The following ALMS1 variants were observed in gnomAD, a reference collection of about 807,000 sequenced individuals.
ALMS1 encodes the protein centrosome-associated protein ALMS1.
In ALMS1, 271 loss-of-function variants were observed where a neutral mutation model predicts 352.2. The ratio of observed to expected loss-of-function variants is 0.77; its 90% CI spans 0.70 to 0.85. The LOEUF (loss-of-function observed/expected upper bound fraction) is 0.85. ALMS1 is among the 40% of genes least tolerant of loss of function. The probability of loss-of-function intolerance (pLI) is 0.00; values close to 1 mark genes in which losing one functional copy is unlikely to be tolerated. For synonymous variants in ALMS1, 1,865 were observed against 1,761.2 expected, an observed-to-expected ratio of 1.06 and a Z score of -1.48; for missense variants, 5,445 against 4,870.7, an observed-to-expected ratio of 1.12 and a Z score of -3.51.
In ALMS1 at chr2:73,449,583, A is replaced by T; in HGVS notation, c.3056A>T (p.Asp1019Val). The T allele has an allele frequency of 6.2e-7, 1 of 1,614,092 alleles. No individual in the cohort carries two copies. Among genetic ancestry groups the T allele is most frequent in the Non-Finnish European group, 8.5e-7 (1 of 1,179,976 alleles). Residue 1019 changes from aspartate to valine, a missense_variant, in exon 8 of 23, where the codon GAT becomes GTT. Transcript: ENST00000613296. ...PSIFYQQEWP[D>V]SYATEKALKV... ...ATTTTCTATCAACAGGAGTGGCCAG[A>T]TAGTTATGCAACTGAAAAGGCTCTG...
At chr2:73,467,590 T>C (rs1672382188) in intron 9 of ALMS1, among the ~76,000 whole-genome samples, 1 of 152,106 alleles carries the variant, frequency 6.6e-6, no homozygotes, top group Non-Finnish European at 1.5e-5. Flanking sequence ...ACTTCATTCC[T>C]ACTTCTTTTT....
chr2:73,551,562 G>A (rs566588247), intron 13 of ALMS1, among the ~76,000 whole-genome samples: 229 of 150,346 alleles, frequency 1.5e-3, no homozygotes, highest in African/African-American at 5.4e-3. Flanking sequence ...TCAGCCTCGA[G>A]TAGCTGGGTT....
intron 7 of ALMS1, among the ~76,000 whole-genome samples, chr2:73,443,325 C>T (rs1671752319): frequency 6.6e-6 from 1 of 152,144 alleles, no homozygotes; most frequent in Non-Finnish European, 1.5e-5. Flanking sequence ...ATGCTAGACC[C>T]TCTTGTCTCC....
intron 1 of ALMS1, among the ~76,000 whole-genome samples, chr2:73,393,817 C>CT (rs1379885347): frequency 0.02 from 2,783 of 142,306 alleles, 39 homozygotes; most frequent in African/African-American, 0.041. Flanking sequence ...CCAGGAAACA[C>CT]TTTTTTTTTT....
At chr2:73,413,065 C>A (rs560823126) in intron 2 of ALMS1, among the ~76,000 whole-genome samples, 42 of 151,226 alleles carry the variant, frequency 2.8e-4, no homozygotes, top group African/African-American at 1.0e-3. Context: ...ACATTCATTT[C>A]TCTAATGACT....
chr2:73,395,659 C>T (rs922772805), intron 1 of ALMS1, among the ~76,000 whole-genome samples: 2 of 152,002 alleles, frequency 1.3e-5, no homozygotes, highest in Non-Finnish European at 2.9e-5. Context: ...CTCTTCTGAA[C>T]TTGTTTATTC....
At chr2:73,504,912 G>A (rs1030537613) in intron 10 of ALMS1, among the ~76,000 whole-genome samples, 2 of 152,052 alleles carry the variant, frequency 1.3e-5, no homozygotes, top group South Asian at 4.2e-4. Flanking sequence ...CCCAGTGTGT[G>A]ATGTTCCCCT....
At chr2:73,525,055 T>G (rs1184357837) in intron 11 of ALMS1, among the ~76,000 whole-genome samples, 2 of 152,226 alleles carry the variant, frequency 1.3e-5, no homozygotes, top group African/African-American at 2.4e-5. Context: ...TCCATGTTGC[T>G]GCAAATGACA....
chr2:73,538,945 T>G (rs1674096326), intron 12 of ALMS1, among the ~76,000 whole-genome samples: 1 of 152,116 alleles, frequency 6.6e-6, no homozygotes, highest in African/African-American at 2.4e-5. Context: ...CTCTGTAGAC[T>G]CCACCTCTGG....
At chr2:73,408,570 T>C in intron 1 of ALMS1, 52 bp from the exon 2 acceptor site, 1 of 1,583,768 alleles carries the variant, frequency 6.3e-7, no homozygotes, top group South Asian at 1.1e-5. Flanking sequence ...TTTTGTTGTA[T>C]AATCATAGTG....
At position 73,453,698 on chromosome 2, in the gene ALMS1, G is replaced by A; in HGVS notation, c.7171G>A (p.Glu2391Lys). The change falls in exon 8 of 23, where the codon GAA (glutamate) becomes AAA (lysine). Residue 2391 changes from glutamate (E) to lysine (K), a missense_variant. Physicochemically the swap from Glu to Lys is moderately conservative, Grantham distance 56. Coordinates refer to ENST00000613296, the MANE Select transcript of ALMS1 (RefSeq NM_001378454.1). ...YQAAKSVMRS[E>K]PEGCSGTIGN... ...AGCAGCCAAATCTGTAATGAGGTCT[G>A]AACCTGAAGGGTGTAGTGGAACCAT... 1 of 1,614,140 alleles carries A rather than the reference G, an allele frequency of 6.2e-7. No individual in the cohort carries two copies. Among genetic ancestry groups the A allele is most frequent in the Non-Finnish European group, 8.5e-7 (1 of 1,180,012 alleles).
At chr2:73,544,991 A>G (rs1043877684) in intron 12 of ALMS1, among the ~76,000 whole-genome samples, 1 of 152,104 alleles carries the variant, frequency 6.6e-6, no homozygotes, top group Non-Finnish European at 1.5e-5. Context: ...ATTCATGGAG[A>G]CACAAAGTAG....
Position 73,519,807 on chromosome 2 carries a change from C to T in ALMS1, c.9572C>T (p.Ala3191Val), listed in dbSNP as rs1233673712. The change falls in exon 11 of 23, where the codon GCT becomes GTT. Residue 3191 changes from alanine (A) to valine (V), a missense_variant. By Grantham distance (64) the Ala-to-Val change is moderately conservative (BLOSUM62 0). Transcript: ENST00000613296. The stretch of plus-strand genomic sequence containing the variant: ...GAGAAGATGAAGACCCCACTTTCTG[C>T]TTTCTCTGAAAAATTGTCATCTGAT... ...LPEKMKTPLSAFSEKLSSDAV... is the reference protein window; with the variant it reads ...LPEKMKTPLSVFSEKLSSDAV... The T allele has an allele frequency of 6.2e-7, 1 of 1,613,996 alleles. No homozygotes were observed. The highest frequency in any genetic ancestry group is 1.7e-5 in the Admixed American group (1 of 60,012).
rs2103788040 is a variant in ALMS1, at chr2:73,452,416, G to A, written c.5889G>A (p.Glu1963=). 2 of 1,613,972 alleles carry A rather than the reference G, an allele frequency of 1.2e-6. No homozygotes were observed. Among genetic ancestry groups the A allele is most frequent in the Non-Finnish European group, 1.7e-6 (2 of 1,179,978 alleles). The change falls in exon 8 of 23, where the codon GAG becomes GAA. Residue 1963 remains glutamate, a synonymous_variant. Coordinates refer to ENST00000613296, the MANE Select transcript of ALMS1 (RefSeq NM_001378454.1). ...QELPDSHLTE[E]ALKVSPVSIP... ...TGCCAGACAGTCATCTCACAGAAGAGGCTCTGAAAGTTTCACCTGTTTCTA... is the reference window on the plus strand; with the variant it reads ...TGCCAGACAGTCATCTCACAGAAGAAGCTCTGAAAGTTTCACCTGTTTCTA...
At chr2:73,505,435 C>G (rs1341834149) in intron 10 of ALMS1, among the ~76,000 whole-genome samples, 1 of 152,218 alleles carries the variant, frequency 6.6e-6, no homozygotes, top group African/African-American at 2.4e-5. Context: ...GAGATGGTAT[C>G]TCAGTGTGGT....
intron 19 of ALMS1, 55 bp downstream of exon 19, chr2:73,601,491 G>A (rs1675687811): frequency 6.3e-7 from 1 of 1,591,680 alleles, no homozygotes; most frequent in Non-Finnish European, 8.6e-7. Context: ...GAAGGGCAAG[G>A]CGCAGAGAAG....
At chr2:73,471,493 C>CAAAA (rs58688820) in intron 9 of ALMS1, among the ~76,000 whole-genome samples, 3,902 of 113,524 alleles carry the variant, frequency 0.034, 354 homozygotes, top group African/African-American at 0.14. Context: ...ACTCAACAGC[C>CAAAA]AAAAAAAAAA....
intron 16 of ALMS1, among the ~76,000 whole-genome samples, chr2:73,589,165 C>G (rs1675371442): frequency 2.0e-5 from 3 of 151,710 alleles, no homozygotes; most frequent in Admixed American, 6.6e-5. Flanking sequence ...AATAAGAAAC[C>G]ATAAAAGTTG....
intron 1 of ALMS1, among the ~76,000 whole-genome samples, chr2:73,398,470 G>A (rs1002493792): frequency 6.6e-6 from 1 of 152,090 alleles, no homozygotes; most frequent in Non-Finnish European, 1.5e-5. Flanking sequence ...TGAATTCATT[G>A]ATGTGTATTA....
Sources: allele counts gnomAD v4.1 joint callset (sites outside exome capture counted in the v4.1 genomes callset), GRCh38; gene constraint gnomAD v4.1.1; transcripts MANE v1.5; gene names NCBI Gene and HGNC (gene_info 2026-07-23, HGNC 2026-07-21).